Variants in CALCRL observed in about 807,000 individuals in gnomAD.
CALCRL encodes the protein calcitonin gene-related peptide type 1 receptor.
In CALCRL, 27 loss-of-function variants were observed where a neutral mutation model predicts 60.4. The observed-to-expected ratio is 0.45, with a 90% confidence interval of 0.33 to 0.62. The LOEUF (loss-of-function observed/expected upper bound fraction) is 0.62. Among genes scored for constraint, CALCRL ranks in the 20% least tolerant of loss-of-function variants. The pLI, the probability that CALCRL is intolerant of heterozygous loss-of-function variation, is 0.03. For synonymous variants in CALCRL, 190 were observed against 182.6 expected, an observed-to-expected ratio of 1.04 and a Z score of -0.33; for missense variants, 424 against 540.7, an observed-to-expected ratio of 0.78 and a Z score of 2.14.
chr2:187,427,133 G>T (rs887929368), intron 1 of CALCRL, among the ~76,000 whole-genome samples: 1 of 152,062 alleles, frequency 6.6e-6, no homozygotes, highest in Non-Finnish European at 1.5e-5. Context: ...AGGTAAAAGA[G>T]GAAAAGGAAG....
chr2:187,354,086 T>C (rs1686661238), intron 12 of CALCRL, among the ~76,000 whole-genome samples: 1 of 152,032 alleles, frequency 6.6e-6, no homozygotes, highest in Admixed American at 6.6e-5. Context: ...CCATTTACTA[T>C]AAGCAAAAAT....
intron 8 of CALCRL, among the ~76,000 whole-genome samples, chr2:187,369,950 C>T (rs1385755194): frequency 6.6e-6 from 1 of 152,142 alleles, no homozygotes; most frequent in Non-Finnish European, 1.5e-5. Flanking sequence ...ACAAGGTAAA[C>T]GTCCACCATG....
intron 8 of CALCRL, among the ~76,000 whole-genome samples, chr2:187,366,920 C>CACACACACACACACA (rs1491502658): frequency 1.1e-4 from 11 of 97,596 alleles, no homozygotes; most frequent in East Asian, 3.4e-4. Context: ...GAGTATAACC[C>CACACACACACACACA]CACACACACA....
rs544760991 is a variant in CALCRL, at chr2:187,394,497, A to G, written c.-292-6741T>C. On this transcript the variant is annotated intron_variant, in intron 1 of 14. Transcript: ENST00000392370. ...GAAAACTAATAAAAATCCTTACCTG[A>G]CAAAAATTACATTTTTTTCCATCAA... 2.8e-4 allele frequency among the ~76,000 whole-genome samples: 43 copies of G among 152,184 alleles called. No individual in the cohort carries two copies. In the South Asian group the frequency reaches 8.1e-3, roughly 29 times the overall value.
At chr2:187,424,003 G>A (rs1690012346) in intron 1 of CALCRL, among the ~76,000 whole-genome samples, 1 of 152,092 alleles carries the variant, frequency 6.6e-6, no homozygotes, top group Admixed American at 6.6e-5. Context: ...TTCACAATGG[G>A]AATCGCTGGT....
At position 187,353,051 on chromosome 2, in the gene CALCRL, C is replaced by T. The variant is rs544719457; in HGVS notation, c.910-719G>A. 2.7e-4 allele frequency among the ~76,000 whole-genome samples: 41 copies of T among 152,034 alleles called. No homozygotes were observed. In the South Asian group the frequency reaches 7.7e-3, roughly 28 times the overall value. On this transcript the variant is annotated intron_variant, in intron 12 of 14. Transcript: ENST00000392370. Reference sequence around the variant, plus strand: ...GACAGTAGTTTCTTTGGATGGGAGACATAAACCTTTGACACTCTAATGTGA... The same window carrying T: ...GACAGTAGTTTCTTTGGATGGGAGATATAAACCTTTGACACTCTAATGTGA...
rs1422093037 is a variant in CALCRL, at chr2:187,352,351, G to T, written c.910-19C>A. ...GATTCACCTAAAAACGAAATTAAAT[G>T]GCATCTGAAAATCATTTCATATTTA... On this transcript the variant is annotated intron_variant, in intron 12 of 14. Transcript: ENST00000392370. 1.4e-6 allele frequency: 2 copies of T among 1,405,690 alleles called. No homozygotes were observed. The highest frequency in any genetic ancestry group is 1.4e-5 in the African/African-American group (1 of 70,576). The allele number at this position is 1,405,690 out of a possible 1,614,324, so 87.1% of individuals were successfully genotyped here.
chr2:187,384,757 C>T (rs965959472), intron 4 of CALCRL, among the ~76,000 whole-genome samples: 1 of 152,000 alleles, frequency 6.6e-6, no homozygotes, highest in African/African-American at 2.4e-5. Flanking sequence ...TGCTTGGAAA[C>T]ACCTCAAGAA....
chr2:187,397,426 C>T (rs1478708751), intron 1 of CALCRL, among the ~76,000 whole-genome samples: 1 of 151,390 alleles, frequency 6.6e-6, no homozygotes, highest in Non-Finnish European at 1.5e-5. Context: ...ATATATAACC[C>T]AAAGCTCTAG....
chr2:187,423,438 A>G (rs2063505), intron 1 of CALCRL, among the ~76,000 whole-genome samples: 42,018 of 151,556 alleles, frequency 0.28, 6,631 homozygotes, highest in Non-Finnish European at 0.35. Flanking sequence ...AGAATCTGAG[A>G]TGTTATAAAA....
chr2:187,421,953 T>G (rs1004765108), intron 1 of CALCRL, among the ~76,000 whole-genome samples: 1 of 152,134 alleles, frequency 6.6e-6, no homozygotes, highest in Non-Finnish European at 1.5e-5. Flanking sequence ...CAGATGCTGG[T>G]GGGAGTGTAA....
At position 187,387,475 on chromosome 2, in the gene CALCRL, G is replaced by T. The variant is rs1688256337; in HGVS notation, c.-183C>A. 3.5e-6 allele frequency: 1 copy of T among 283,266 alleles called. No individual in the cohort carries two copies. Among genetic ancestry groups the T allele is most frequent in the African/African-American group, 2.2e-5 (1 of 45,972 alleles). 17.5% of individuals were successfully genotyped at this position (283,266 alleles called of 1,614,324 possible). ...TATTGTTTTCTATAGGCTAGTATGGGTTTTTATTATTAGACGATCTTGAGA... is the reference window on the plus strand; with the variant it reads ...TATTGTTTTCTATAGGCTAGTATGGTTTTTTATTATTAGACGATCTTGAGA... On this transcript the variant is annotated 5_prime_UTR_variant, in exon 3 of 15. Transcript: ENST00000392370.
chr2:187,371,731 A>ATT (rs11296466), intron 8 of CALCRL, among the ~76,000 whole-genome samples: 1 of 149,810 alleles, frequency 6.7e-6, no homozygotes, highest in Non-Finnish European at 1.5e-5. Context: ...GCAAGACTCC[A>ATT]TTTTTTTTTT....
At chr2:187,389,063 C>CTTT (rs1174965436) in intron 1 of CALCRL, among the ~76,000 whole-genome samples, 2 of 97,914 alleles carry the variant, frequency 2.0e-5, no homozygotes, top group East Asian at 8.8e-4. Flanking sequence ...TCTATTACTT[C>CTTT]TTCTTCTTTT....
chr2:187,384,667 T>G (rs1004241380), intron 4 of CALCRL, among the ~76,000 whole-genome samples: 2 of 152,168 alleles, frequency 1.3e-5, no homozygotes, highest in African/African-American at 4.8e-5. Context: ...AATGTAGTCT[T>G]GTTTTTTTGT....
intron 1 of CALCRL, among the ~76,000 whole-genome samples, chr2:187,400,893 T>C (rs1039381887): frequency 6.6e-6 from 1 of 151,430 alleles, no homozygotes; most frequent in African/African-American, 2.4e-5. Context: ...AGTGTGGCAA[T>C]AGAGAGTGAT....
intron 12 of CALCRL, among the ~76,000 whole-genome samples, chr2:187,357,226 T>G (rs1052976351): frequency 6.6e-6 from 1 of 152,080 alleles, no homozygotes; most frequent in African/African-American, 2.4e-5. Flanking sequence ...GCAGCACTAT[T>G]CACAATAGCA....
chr2:187,393,213 C>T (rs1219796436), intron 1 of CALCRL, among the ~76,000 whole-genome samples: 1 of 152,024 alleles, frequency 6.6e-6, no homozygotes, highest in Non-Finnish European at 1.5e-5. Flanking sequence ...CCAGGCCCCA[C>T]AAAGGACGCT....
chr2:187,372,842 C>A (rs142949231), intron 8 of CALCRL, among the ~76,000 whole-genome samples: 9 of 152,216 alleles, frequency 5.9e-5, no homozygotes, highest in African/African-American at 9.6e-5. Flanking sequence ...TGGATGAAAG[C>A]TAATAATTTC....
Sources: allele counts gnomAD v4.1 joint callset (sites outside exome capture counted in the v4.1 genomes callset), GRCh38; gene constraint gnomAD v4.1.1; transcripts MANE v1.5; gene names NCBI Gene and HGNC (gene_info 2026-07-23, HGNC 2026-07-21).